PKHD1L1: variants seen among roughly 807,000 people sequenced by gnomAD.
The protein encoded by PKHD1L1 is PKHD1 like 1.
Under a neutral mutation model 462.9 loss-of-function variants are expected in PKHD1L1, and 434 were observed. The ratio of observed to expected loss-of-function variants is 0.94; its 90% CI spans 0.87 to 1.02. The LOEUF (loss-of-function observed/expected upper bound fraction) is 1.02. Ranked by LOEUF, PKHD1L1 falls within the 50% of genes least tolerant of loss-of-function variation. PKHD1L1 has a pLI of 0.00. For synonymous variants in PKHD1L1, 1,781 were observed against 1,750.0 expected (o/e 1.02, Z -0.44); for missense variants, 5,202 against 5,096.1 (o/e 1.02, Z -0.63).
In PKHD1L1 at chr8:109,404,721, A is replaced by G. The variant is rs763724867; in HGVS notation, c.1533+8A>G. ...ATCCTCCAGGAAGTACAGGTTTGCT[A>G]TGATTGCAGTTCCTCTTACAGAAAG... On this transcript the variant is annotated splice_region_variant and intron_variant, in intron 15 of 77. Coordinates refer to ENST00000378402, the MANE Select transcript of PKHD1L1 (RefSeq NM_177531.6). 9.4e-6 allele frequency: 15 copies of G among 1,588,022 alleles called. No individual in the cohort carries two copies. In the East Asian group the frequency reaches 2.9e-4, roughly 31 times the overall value.
chr8:109,368,900 C>T (rs1811356010), intron 2 of PKHD1L1, among the ~76,000 whole-genome samples: 1 of 152,142 alleles, frequency 6.6e-6, no homozygotes, highest in Non-Finnish European at 1.5e-5. Context: ...CCAGGGTACA[C>T]TCAGCCTTTC....
intron 76 of PKHD1L1, among the ~76,000 whole-genome samples, chr8:109,524,700 A>G (rs564732863): frequency 6.6e-6 from 1 of 152,194 alleles, no homozygotes; most frequent in South Asian, 2.1e-4. Context: ...TTTTTTTCAG[A>G]ATTCAAAGCT....
At position 109,448,322 on chromosome 8, in the gene PKHD1L1, A is replaced by G. The variant is rs765364374; in HGVS notation, c.5956A>G (p.Lys1986Glu). ...TFPVMMHHKTKGSAMSTVVFE... is the reference protein window; with the variant it reads ...TFPVMMHHKTEGSAMSTVVFE... Reference sequence around the variant, plus strand: ...TCCTGTTATGATGCATCATAAGACAAAAGGCTCAGCCATGTCCACAGTTGT... The same window carrying G: ...TCCTGTTATGATGCATCATAAGACAGAAGGCTCAGCCATGTCCACAGTTGT... Residue 1986 changes from lysine to glutamate, a missense_variant, in exon 39 of 78, where the codon AAA becomes GAA. Transcript: ENST00000378402. The G allele has an allele frequency of 1.2e-5, 20 of 1,613,670 alleles. No individual in the cohort carries two copies. The highest frequency in any genetic ancestry group is 1.6e-5 in the Non-Finnish European group (19 of 1,179,826).
chr8:109,414,202 A>T (rs535521793), intron 21 of PKHD1L1, among the ~76,000 whole-genome samples: 1 of 152,314 alleles, frequency 6.6e-6, no homozygotes, highest in African/African-American at 2.4e-5. Context: ...TTCATTTACA[A>T]CAGAAGCAAT....
intron 21 of PKHD1L1, among the ~76,000 whole-genome samples, chr8:109,417,023 T>C (rs1047615766): frequency 6.6e-6 from 1 of 152,206 alleles, no homozygotes; most frequent in Non-Finnish European, 1.5e-5. Context: ...TCACTTACCA[T>C]ATCATTAAAT....
intron 43 of PKHD1L1, among the ~76,000 whole-genome samples, chr8:109,453,616 A>T (rs1816661374): frequency 6.6e-6 from 1 of 152,212 alleles, no homozygotes; most frequent in Non-Finnish European, 1.5e-5. Context: ...GTTATTAAAT[A>T]TTGGACCTTT....
At chr8:109,476,305 T>C (rs1258193454) in intron 51 of PKHD1L1, among the ~76,000 whole-genome samples, 1 of 152,000 alleles carries the variant, frequency 6.6e-6, no homozygotes, top group Non-Finnish European at 1.5e-5. Context: ...GATCCTTTCG[T>C]TGCCTTAGTG....
At chr8:109,426,109 G>C (rs1300774979) in intron 24 of PKHD1L1, among the ~76,000 whole-genome samples, 2 of 152,040 alleles carry the variant, frequency 1.3e-5, no homozygotes, top group African/African-American at 4.8e-5. Context: ...TTCAGGGCAA[G>C]TGACATTTTT....
intron 2 of PKHD1L1, among the ~76,000 whole-genome samples, chr8:109,366,432 T>C (rs185722752): frequency 2.6e-5 from 4 of 152,292 alleles, no homozygotes; most frequent in Admixed American, 2.6e-4. Flanking sequence ...ATAGCGGTCA[T>C]TGAGAACTGG....
chr8:109,434,627 C>T (rs1454329633), intron 28 of PKHD1L1, among the ~76,000 whole-genome samples: 1 of 152,040 alleles, frequency 6.6e-6, no homozygotes, highest in African/African-American at 2.4e-5. Context: ...TGACACCACA[C>T]CCAGCTATTT....
chr8:109,433,020 AT>A (rs1245804656), intron 27 of PKHD1L1, 85 bp from the exon 28 acceptor site: 1 of 997,732 alleles, frequency 1.0e-6, no homozygotes, highest in Non-Finnish European at 1.5e-6. Context: ...AGATAGACTT[AT>A]TTTTATTTGA....
intron 11 of PKHD1L1, 81 bp from the exon 12 acceptor site, chr8:109,398,378 C>A: frequency 1.1e-6 from 1 of 889,784 alleles, no homozygotes; most frequent in Non-Finnish European, 1.8e-6. Context: ...GTTTTAATTG[C>A]AAAAGTGCTT....
chr8:109,363,158 G>T (rs1197650195), intron 1 of PKHD1L1, among the ~76,000 whole-genome samples: 1 of 152,158 alleles, frequency 6.6e-6, no homozygotes, highest in Non-Finnish European at 1.5e-5. Context: ...AGAGGGCTGG[G>T]AAGAGACTGA....
At chr8:109,374,916 C>T (rs1301761173) in intron 2 of PKHD1L1, among the ~76,000 whole-genome samples, 4 of 152,210 alleles carry the variant, frequency 2.6e-5, no homozygotes, top group Admixed American at 6.5e-5. Flanking sequence ...CGATCTTTCT[C>T]TCTAGCTGCC....
At chr8:109,450,433 G>A (rs1816421519) in intron 40 of PKHD1L1, among the ~76,000 whole-genome samples, 1 of 152,030 alleles carries the variant, frequency 6.6e-6, no homozygotes, top group African/African-American at 2.4e-5. Flanking sequence ...TTATGACTGA[G>A]CTTATGTATC....
chr8:109,443,679 G>T lies in PKHD1L1; in HGVS notation c.4568G>T (p.Gly1523Val). 3.7e-6 allele frequency: 6 copies of T among 1,609,928 alleles called. No individual in the cohort carries two copies. Among genetic ancestry groups the T allele is most frequent in the African/African-American group, 1.3e-5 (1 of 74,792 alleles). ...CGGGCAGTTCTTTTGTCTAAAGGAG[G>T]ACCTGAGAATTTGCACTTGGGAAGC... ...GRSEATYAYG[G>V]PENLHLGSSV... The change falls in exon 37 of 78, where the codon GGA (glycine) becomes GTA (valine). Residue 1523 changes from glycine (G) to valine (V), a missense_variant. Physicochemically the swap from Gly to Val is moderately radical, Grantham distance 109. Around this residue, in one of 3 missense-constraint regions of PKHD1L1, gnomAD observed 4,497 missense variants for 4,336.8 expected, o/e 1.04. Coordinates refer to ENST00000378402, the MANE Select transcript of PKHD1L1 (RefSeq NM_177531.6).
At position 109,436,445 on chromosome 8, in the gene PKHD1L1, T is replaced by G. The variant is rs770188984; in HGVS notation, c.3613T>G (p.Cys1205Gly). 6.2e-7 allele frequency: 1 copy of G among 1,612,486 alleles called. No homozygotes were observed. The highest frequency in any genetic ancestry group is 8.5e-7 in the Non-Finnish European group (1 of 1,179,504). The stretch of plus-strand genomic sequence containing the variant: ...TGAAGGGGATTTGAATAGGATAACC[T>G]GCAGGACACCAAAAGTAAGGCCTCT... ...VIEGDLNRIT[C>G]RTPKKTEGTV... The change falls in exon 30 of 78, where the codon TGC becomes GGC. Residue 1205 changes from cysteine to glycine, a missense_variant. Physicochemically the swap from Cys to Gly is radical, Grantham distance 159. Coordinates refer to ENST00000378402, the MANE Select transcript of PKHD1L1 (RefSeq NM_177531.6).
chr8:109,474,126 A>G (rs2130864066), intron 50 of PKHD1L1, among the ~76,000 whole-genome samples: 1 of 152,296 alleles, frequency 6.6e-6, no homozygotes, highest in South Asian at 2.1e-4. Context: ...ATCTTTTAAA[A>G]TTAATACTAA....
Position 109,383,424 on chromosome 8 carries a change from A to AATATATAATATATAAATATATTATAAGT in PKHD1L1, c.418-624_418-597dup, listed in dbSNP as rs1563724312. Among the ~76,000 whole-genome samples, 241 of 121,838 alleles carry AATATATAATATATAAATATATTATAAGT rather than the reference A, an allele frequency of 2.0e-3. 1 individual carries two copies. The highest frequency in any genetic ancestry group is 6.8e-3 in the African/African-American group (215 of 31,748). The allele number at this position is 121,838 out of a possible 152,430, so 79.9% of individuals were successfully genotyped here. A position where few individuals can be genotyped will look rare whatever the true frequency, so the allele number is the denominator to read the frequency against. On this transcript the variant is annotated intron_variant, in intron 4 of 77. Transcript: ENST00000378402. ...TTACGTATAATTATATATTATATAT[A>AATATATAATATATAAATATATTATAAGT]ATATATAATATATAAATATATTATA...
Sources: gnomAD v4.1 joint callset for allele counts (sites outside exome capture counted in the v4.1 genomes callset) on GRCh38, gnomAD v4.1.1 for gene constraint, gnomAD v4.1.1 regional missense constraint, MANE v1.5 for transcripts, NCBI Gene and HGNC (gene_info 2026-07-23, HGNC 2026-07-21) for gene names.